MYH9: variants seen among roughly 807,000 people sequenced by gnomAD.
MYH9 encodes myosin heavy chain 9.
In MYH9, 29 loss-of-function variants were observed where a neutral mutation model predicts 241.9. That is an observed-to-expected ratio of 0.12 (90% CI 0.09 to 0.16). MYH9 has a LOEUF of 0.16. Among genes scored for constraint, MYH9 ranks in the 10% least tolerant of loss-of-function variants. MYH9 has a pLI of 1.00. For synonymous variants in MYH9, 1,047 were observed against 1,062.6 expected (o/e 0.99, Z 0.29); for missense variants, 1,803 against 2,595.5 (o/e 0.69, Z 6.63).
Position 36,293,236 on chromosome 22 carries a change from C to G in MYH9, c.4095+93G>C. Reference sequence around the variant, plus strand: ...GGGGGAGAGCAGCAATGGGCCGGCCCAGCGGGCAGGGCTGTCCTGCAGTGC... The same window carrying G: ...GGGGGAGAGCAGCAATGGGCCGGCCGAGCGGGCAGGGCTGTCCTGCAGTGC... On this transcript the variant is annotated intron_variant, in intron 30 of 40. Coordinates refer to ENST00000216181, the MANE Select transcript of MYH9 (RefSeq NM_002473.6). This position sits in a 1 kb window ranked among gnomAD's most constrained non-coding sequence, Gnocchi z 5.1. The G allele has an allele frequency of 6.5e-7, 1 of 1,548,174 alleles. No individual in the cohort carries two copies. The highest frequency in any genetic ancestry group is 8.8e-7 in the Non-Finnish European group (1 of 1,131,374).
At chr22:36,324,925 C>A in intron 5 of MYH9, 2 of 626,732 alleles carry the variant, frequency 3.2e-6, no homozygotes, top group South Asian at 3.7e-5. Context: ...AGATGTAAGG[C>A]ATATGATCTA....
At chr22:36,321,960 A>G in intron 6 of MYH9, 139 bp from the exon 7 acceptor site, 1 of 803,896 alleles carries the variant, frequency 1.2e-6, no homozygotes, top group South Asian at 1.4e-5. Context: ...GGACCCATGT[A>G]CCAGGCCAGG....
At chr22:36,349,911 C>T (rs531560722) in intron 1 of MYH9, among the ~76,000 whole-genome samples, 11 of 152,192 alleles carry the variant, frequency 7.2e-5, no homozygotes, top group Non-Finnish European at 1.2e-4. Context: ...CCAACAAAAA[C>T]AGGTTTCTAA....
intron 1 of MYH9, among the ~76,000 whole-genome samples, chr22:36,370,756 C>A (rs138266085): frequency 6.6e-6 from 1 of 152,130 alleles, no homozygotes; most frequent in Non-Finnish European, 1.5e-5. Context: ...GCCAGGGCAG[C>A]CCCCACCCAG....
intron 13 of MYH9, among the ~76,000 whole-genome samples, chr22:36,313,552 G>T (rs375104006): frequency 6.6e-6 from 1 of 151,650 alleles, no homozygotes; most frequent in African/African-American, 2.4e-5. Flanking sequence ...ACAAACAGGC[G>T]ACCCAACCTC....
Position 36,285,413 on chromosome 22 carries a change from G to A in MYH9, c.5275-84C>T, listed in dbSNP as rs558107610. 2.6e-5 allele frequency: 38 copies of A among 1,464,232 alleles called. No individual in the cohort carries two copies. In the African/African-American group the frequency reaches 4.9e-4, roughly 19 times the overall value. The allele number at this position is 1,464,232 out of a possible 1,614,324, so 90.7% of individuals were successfully genotyped here. ...GCAGGGCCAGAGGAAGGTGGCAGCA[G>A]GATCCCACCAAACCCTTGGGGTCCA... On this transcript the variant is annotated intron_variant, in intron 37 of 40. Coordinates refer to ENST00000216181, the MANE Select transcript of MYH9 (RefSeq NM_002473.6). The surrounding 1 kb of genome is among the most constrained non-coding windows in gnomAD (Gnocchi z 7.0).
Position 36,312,207 on chromosome 22 carries a change from T to G in MYH9, c.1570A>C (p.Ile524Leu). The change falls in exon 14 of 41, where the codon ATT becomes CTT. Residue 524 changes from isoleucine (I) to leucine (L), a missense_variant. Ile to Leu is a conservative substitution (Grantham distance 5). Transcript: ENST00000216181. ...LIEKPAGPPG[I>L]LALLDEECWF... is the part of the protein sequence containing the mutation. Reference sequence around the variant, plus strand: ...CACTCCTCGTCCAGCAGGGCCAGAATGCCCGGGGGGCCTGCCTGGAGGAAG... The same window carrying G: ...CACTCCTCGTCCAGCAGGGCCAGAAGGCCCGGGGGGCCTGCCTGGAGGAAG... 6.2e-7 allele frequency: 1 copy of G among 1,614,086 alleles called. No homozygotes were observed. The highest frequency in any genetic ancestry group is 8.5e-7 in the Non-Finnish European group (1 of 1,180,010).
At chr22:36,331,835 T>C (rs1405554956) in intron 3 of MYH9, among the ~76,000 whole-genome samples, 1 of 152,142 alleles carries the variant, frequency 6.6e-6, no homozygotes. Context: ...GAAATGGGTA[T>C]GGGCCAAGAA....
chr22:36,385,999 C>T (rs966568221), intron 1 of MYH9, among the ~76,000 whole-genome samples: 1 of 152,190 alleles, frequency 6.6e-6, no homozygotes, highest in Non-Finnish European at 1.5e-5. Context: ...TTGTCTATGG[C>T]ATACTTGGGA....
chr22:36,309,474 A>T (rs2017025698), intron 14 of MYH9, 78 bp from the exon 15 acceptor site: 1 of 1,084,140 alleles, frequency 9.2e-7, no homozygotes, highest in Non-Finnish European at 1.4e-6. Context: ...AGCACAGGCT[A>T]ACCCCATGCA....
At chr22:36,316,248 G>C (rs955779195) in intron 12 of MYH9, among the ~76,000 whole-genome samples, 2 of 151,608 alleles carry the variant, frequency 1.3e-5, no homozygotes, top group African/African-American at 4.9e-5. Flanking sequence ...TGGTCAGGCT[G>C]GTCTCAAACT....
intron 3 of MYH9, among the ~76,000 whole-genome samples, chr22:36,338,181 G>T (rs2146381191): frequency 6.6e-6 from 1 of 151,742 alleles, no homozygotes; most frequent in Admixed American, 6.6e-5. Context: ...TGTTTTTTTA[G>T]TAGAGACAGG....
chr22:36,386,777 T>C (rs192796511), intron 1 of MYH9, among the ~76,000 whole-genome samples: 230 of 152,318 alleles, frequency 1.5e-3, no homozygotes, highest in African/African-American at 5.4e-3. Context: ...ACAGCGGGGC[T>C]TCCCTGGAGA....
chr22:36,356,542 C>T (rs576108804), intron 1 of MYH9, among the ~76,000 whole-genome samples: 123 of 130,976 alleles, frequency 9.4e-4, no homozygotes, highest in African/African-American at 3.4e-3. Flanking sequence ...GATGGTGCCA[C>T]TGCACTCCAG....
chr22:36,322,643 G>A, intron 5 of MYH9, 122 bp from the exon 6 acceptor site: 2 of 941,706 alleles, frequency 2.1e-6, no homozygotes, highest in Non-Finnish European at 3.4e-6. Flanking sequence ...AGGAACAGAG[G>A]TTTCCGGGTG....
intron 12 of MYH9, 112 bp from the exon 13 acceptor site, chr22:36,314,430 C>T (rs1479308647): frequency 1.5e-6 from 2 of 1,325,568 alleles, no homozygotes; most frequent in Admixed American, 3.8e-5. Flanking sequence ...TCCTTGGGCA[C>T]CTCCATGCCG....
chr22:36,322,279 G>A (rs1003670445), intron 6 of MYH9, 150 bp downstream of exon 6: 2 of 861,060 alleles, frequency 2.3e-6, no homozygotes, highest in African/African-American at 1.7e-5. Flanking sequence ...CTGGCATTCG[G>A]TCTGGCCTAG....
intron 1 of MYH9, among the ~76,000 whole-genome samples, chr22:36,382,664 G>A (rs965481338): frequency 7.2e-5 from 11 of 151,794 alleles, no homozygotes; most frequent in African/African-American, 2.7e-4. Flanking sequence ...CTAGCCGGGT[G>A]TGGTGGTGCA....
chr22:36,290,785 G>A (rs1395925888), intron 31 of MYH9, among the ~76,000 whole-genome samples: 4 of 149,278 alleles, frequency 2.7e-5, no homozygotes, highest in East Asian at 4.0e-4. Context: ...TGTGGGGAGC[G>A]CCTCTGCCCC....
Sources: gnomAD v4.1 joint callset for allele counts (sites outside exome capture counted in the v4.1 genomes callset) on GRCh38, gnomAD v4.1.1 for gene constraint, Gnocchi (gnomAD v3.1) non-coding constraint, MANE v1.5 for transcripts, NCBI Gene and HGNC (gene_info 2026-07-23, HGNC 2026-07-21) for gene names.